The following TTLL5 variants were observed in gnomAD, a reference collection of about 807,000 sequenced individuals.
The protein encoded by TTLL5 is tubulin tyrosine ligase like 5, also known as tubulin polyglutamylase TTLL5.
Under a neutral mutation model 168.4 loss-of-function variants are expected in TTLL5, and 132 were observed. The ratio of observed to expected loss-of-function variants is 0.78; its 90% CI spans 0.68 to 0.91. The LOEUF is 0.91. TTLL5 is among the 40% of genes least tolerant of loss of function. TTLL5 has a pLI of 0.00. For missense variants in TTLL5, 1,545 were observed against 1,581.5 expected (o/e 0.98, Z 0.39); for synonymous variants, 546 against 558.6 (o/e 0.98, Z 0.32).
Position 75,881,923 on chromosome 14 carries a change from G to A in TTLL5, c.3523-762G>A, listed in dbSNP as rs373816510. On this transcript the variant is annotated intron_variant, in intron 29 of 31. Coordinates refer to ENST00000298832, the MANE Select transcript of TTLL5 (RefSeq NM_015072.5). ...ATACTTTTACATCCTAATTATATATGTTGACATTTGTGATGTTTAGATGGT... is the reference window on the plus strand; with the variant it reads ...ATACTTTTACATCCTAATTATATATATTGACATTTGTGATGTTTAGATGGT... Among the ~76,000 whole-genome samples the A allele has an allele frequency of 8.5e-5, 13 of 152,250 alleles. No individual in the cohort carries two copies. The East Asian group carries it at 2.5e-3, about 29-fold the overall frequency.
chr14:75,802,412 A>G (rs1049355842), intron 27 of TTLL5, among the ~76,000 whole-genome samples: 1 of 152,228 alleles, frequency 6.6e-6, no homozygotes, highest in Non-Finnish European at 1.5e-5. Context: ...TATTCTACTA[A>G]GCAAGCAAAG....
At chr14:75,891,171 C>T (rs1595217425) in intron 30 of TTLL5, among the ~76,000 whole-genome samples, 1 of 152,236 alleles carries the variant, frequency 6.6e-6, no homozygotes, top group South Asian at 2.1e-4. Context: ...CTGTTCCACA[C>T]ACATGCTTCC....
At chr14:75,773,914 A>ATG (rs1891499503) in intron 21 of TTLL5, among the ~76,000 whole-genome samples, 1 of 31,260 alleles carries the variant, frequency 3.2e-5, no homozygotes, top group African/African-American at 1.1e-4. Flanking sequence ...ATACATATAT[A>ATG]TATATATATA....
chr14:75,953,875 G>A (rs905799646), intron 31 of TTLL5, among the ~76,000 whole-genome samples: 3 of 152,042 alleles, frequency 2.0e-5, no homozygotes, highest in African/African-American at 7.2e-5. Flanking sequence ...AGAAAAAAAA[G>A]GAAAGAGAAC....
chr14:75,676,985 T>G (rs1237124830), intron 3 of TTLL5, among the ~76,000 whole-genome samples: 1 of 152,082 alleles, frequency 6.6e-6, no homozygotes, highest in African/African-American at 2.4e-5. Context: ...TTGCTCAGGC[T>G]GGACTCAAAT....
At chr14:75,734,381 T>A (rs1247688791) in intron 14 of TTLL5, among the ~76,000 whole-genome samples, 1 of 152,182 alleles carries the variant, frequency 6.6e-6, no homozygotes, top group Non-Finnish European at 1.5e-5. Flanking sequence ...GGAGACTGGC[T>A]ATATTTCTGC....
At chr14:75,921,868 G>A (rs2033836954) in intron 31 of TTLL5, among the ~76,000 whole-genome samples, 1 of 152,224 alleles carries the variant, frequency 6.6e-6, no homozygotes, top group African/African-American at 2.4e-5. Context: ...AGCATGGAAT[G>A]TTCTTCATTT....
chr14:75,735,365 A>AGCACT (rs1888818757), intron 15 of TTLL5, 76 bp downstream of exon 15: 14 of 1,425,416 alleles, frequency 9.8e-6, no homozygotes, highest in Non-Finnish European at 1.4e-5. Flanking sequence ...TGGGAGCAGA[A>AGCACT]GCACTGTGGG....
At chr14:75,724,379 G>T (rs1307864831) in intron 12 of TTLL5, among the ~76,000 whole-genome samples, 3 of 152,108 alleles carry the variant, frequency 2.0e-5, no homozygotes, top group Non-Finnish European at 4.4e-5. Flanking sequence ...CATCAAGTTT[G>T]TTCCTCTCAA....
chr14:75,793,419 T>A (rs1460014096), intron 27 of TTLL5, among the ~76,000 whole-genome samples: 1 of 152,194 alleles, frequency 6.6e-6, no homozygotes, highest in Non-Finnish European at 1.5e-5. Flanking sequence ...TTTGGTAAAA[T>A]TTTCCAGTGA....
chr14:75,728,923 A>G (rs569793179), intron 12 of TTLL5, among the ~76,000 whole-genome samples: 156 of 152,272 alleles, frequency 1.0e-3, no homozygotes, highest in African/African-American at 3.5e-3. Context: ...TCAGTTTCAG[A>G]TGTTTGGGCT....
At chr14:75,723,083 A>T (rs1375500574) in intron 12 of TTLL5, among the ~76,000 whole-genome samples, 1 of 152,090 alleles carries the variant, frequency 6.6e-6, no homozygotes, top group Non-Finnish European at 1.5e-5. Flanking sequence ...GAGGACAGTA[A>T]GAATATCTCC....
In TTLL5 at chr14:75,699,259, C is replaced by A. The variant is rs1346590317; in HGVS notation, c.574C>A (p.Leu192Met). 1 of 1,613,780 alleles carries A rather than the reference C, an allele frequency of 6.2e-7. No individual in the cohort carries two copies. The highest frequency in any genetic ancestry group is 1.3e-5 in the African/African-American group (1 of 74,900). Residue 192 changes from leucine (L) to methionine (M), a missense_variant, in exon 7 of 32, where the codon CTG (leucine) becomes ATG (methionine). Coordinates refer to ENST00000298832, the MANE Select transcript of TTLL5 (RefSeq NM_015072.5). ...ATCTTCAAGGGGGCGGGGCGTCTAC[C>A]TGATCAACAATGTAAGTATGCAGCA... ...VASSRGRGVY[L>M]INNPNQISLE...
chr14:75,798,980 A>G (rs1222689877), intron 27 of TTLL5, among the ~76,000 whole-genome samples: 2 of 152,040 alleles, frequency 1.3e-5, no homozygotes, highest in Non-Finnish European at 1.5e-5. Context: ...CGTTAACTCC[A>G]TTTGTTCTAG....
chr14:75,663,973 A>G (rs1362090109), intron 2 of TTLL5, among the ~76,000 whole-genome samples: 1 of 151,772 alleles, frequency 6.6e-6, no homozygotes, highest in Non-Finnish European at 1.5e-5. Context: ...AATCTCAGCT[A>G]CTCGGGAGGC....
chr14:75,941,243 A>G (rs1285310407), intron 31 of TTLL5, among the ~76,000 whole-genome samples: 4 of 152,178 alleles, frequency 2.6e-5, no homozygotes, highest in Non-Finnish European at 1.5e-5. Flanking sequence ...CAACCCAGGC[A>G]AGGTTTCATG....
chr14:75,818,955 G>A (rs1267545652), intron 27 of TTLL5, among the ~76,000 whole-genome samples: 1 of 152,108 alleles, frequency 6.6e-6, no homozygotes, highest in Non-Finnish European at 1.5e-5. Flanking sequence ...AAGAAAATGG[G>A]CTTTGGCAGT....
intron 21 of TTLL5, among the ~76,000 whole-genome samples, chr14:75,775,008 G>C (rs1261973639): frequency 6.7e-6 from 1 of 149,788 alleles, no homozygotes; most frequent in Admixed American, 6.6e-5. Context: ...CTGGTTTTCT[G>C]TGTTTCTGGT....
At chr14:75,947,939 C>CAA (rs11410342) in intron 31 of TTLL5, among the ~76,000 whole-genome samples, 6,853 of 143,024 alleles carry the variant, frequency 0.048, 295 homozygotes, top group Admixed American at 0.093. Context: ...GACCCTGTCT[C>CAA]AAAAAAAAAA....
Sources: gnomAD v4.1 joint callset for allele counts (sites outside exome capture counted in the v4.1 genomes callset) on GRCh38, gnomAD v4.1.1 for gene constraint, MANE v1.5 for transcripts, NCBI Gene and HGNC (gene_info 2026-07-23, HGNC 2026-07-21) for gene names.